The following CAMK1D variants were observed in gnomAD, a reference collection of about 807,000 sequenced individuals.
CAMK1D encodes calcium/calmodulin-dependent protein kinase type 1D.
CAMK1D carries 9 observed loss-of-function variants against 47.7 expected under a neutral mutation model. The observed-to-expected ratio is 0.19, with a 90% CI of 0.11 to 0.33. The LOEUF is 0.33. CAMK1D is among the 10% of genes least tolerant of loss of function. The pLI, the probability that CAMK1D is intolerant of heterozygous loss-of-function variation, is 1.00. For missense variants in CAMK1D, 291 were observed against 488.7 expected, an observed-to-expected ratio of 0.60 and a Z score of 3.81; for synonymous variants, 184 against 184.9, an observed-to-expected ratio of 0.99 and a Z score of 0.04.
chr10:12,656,775 T>G (rs1456379689), intron 2 of CAMK1D, among the ~76,000 whole-genome samples: 1 of 152,228 alleles, frequency 6.6e-6, no homozygotes, highest in Non-Finnish European at 1.5e-5. Context: ...TTCTGCTCAT[T>G]TCTTGAAGTG....
At chr10:12,585,626 G>A (rs1167864413) in intron 2 of CAMK1D, among the ~76,000 whole-genome samples, 3 of 152,212 alleles carry the variant, frequency 2.0e-5, no homozygotes, top group African/African-American at 7.2e-5. Flanking sequence ...AGAGCCAAGT[G>A]AAAGGGGTTT....
intron 2 of CAMK1D, among the ~76,000 whole-genome samples, chr10:12,570,714 C>T (rs547088111): frequency 6.8e-6 from 1 of 147,780 alleles, no homozygotes; most frequent in South Asian, 2.1e-4. Context: ...ATGAGGACAG[C>T]AGCACTTTGG....
At position 12,772,020 on chromosome 10, in the gene CAMK1D, C is replaced by T. The variant is rs188801092; in HGVS notation, c.565+2221C>T. On this transcript the variant is annotated intron_variant, in intron 5 of 10. Coordinates refer to ENST00000619168, the MANE Select transcript of CAMK1D (RefSeq NM_153498.4). ...CTGCACTCCAGCCTGGGTGACAAAGCGAGATGCTATCTCAGGAAAAAAAAA... is the reference window on the plus strand; with the variant it reads ...CTGCACTCCAGCCTGGGTGACAAAGTGAGATGCTATCTCAGGAAAAAAAAA... Among the ~76,000 whole-genome samples the T allele has an allele frequency of 3.5e-3, 500 of 142,656 alleles. 2 individuals carry two copies. Among genetic ancestry groups the T allele is most frequent in the Admixed American group, 8.0e-3 (113 of 14,116 alleles). The allele number at this position is 142,656 out of a possible 152,430, so 93.6% of individuals were successfully genotyped here.
intron 3 of CAMK1D, among the ~76,000 whole-genome samples, chr10:12,746,261 G>T (rs11257967): frequency 0.013 from 1,938 of 150,692 alleles, 50 homozygotes; most frequent in African/African-American, 0.045. Flanking sequence ...CTACTCGGGA[G>T]GCTGAGGCAG....
intron 2 of CAMK1D, among the ~76,000 whole-genome samples, chr10:12,562,323 C>T (rs1836970055): frequency 6.6e-6 from 1 of 152,094 alleles, no homozygotes; most frequent in African/African-American, 2.4e-5. Flanking sequence ...ATGGCAGATC[C>T]CTCATGACTG....
Position 12,694,101 on chromosome 10 carries a change from A to ATT in CAMK1D, c.299+27291_299+27292insTT, listed in dbSNP as rs1377649206. 1.1e-4 allele frequency among the ~76,000 whole-genome samples: 5 copies of ATT among 45,660 alleles called. 1 individual carries two copies. The highest frequency in any genetic ancestry group is 3.4e-4 in the African/African-American group (4 of 11,882). The allele number at this position is 45,660 out of a possible 152,430, so 30.0% of individuals were successfully genotyped here. A position where few individuals can be genotyped will look rare whatever the true frequency, so the allele number is the denominator to read the frequency against. The stretch of plus-strand genomic sequence containing the variant: ...ATATTATGTATAATATATATTATAT[A>ATT]ATATATAATATATATTATGCATAAT... On this transcript the variant is annotated intron_variant, in intron 3 of 10. Transcript: ENST00000619168.
In CAMK1D at chr10:12,454,458, G is replaced by A. The variant is rs574505493; in HGVS notation, c.93-98767G>A. Among the ~76,000 whole-genome samples, 27 of 152,078 alleles carry A rather than the reference G, an allele frequency of 1.8e-4. No homozygotes were observed. The South Asian group carries it at 5.4e-3, about 30-fold the overall frequency. ...ATTACAGGTGTGAGCCACCACTCCC[G>A]GCCGAATTTTAATTTTTTTTTAGAG... is the stretch of plus-strand genomic sequence containing the variant. On this transcript the variant is annotated intron_variant, in intron 1 of 10. Transcript: ENST00000619168.
In CAMK1D at chr10:12,625,282, G is replaced by C. The variant is rs141045648; in HGVS notation, c.225-41454G>C. ...ACCTGGGAGGCGGAGGTTGCAGTGA[G>C]TGGAGATCACAGCATTGCACTCCAG... On this transcript the variant is annotated intron_variant, in intron 2 of 10. Coordinates refer to ENST00000619168, the MANE Select transcript of CAMK1D (RefSeq NM_153498.4). Among the ~76,000 whole-genome samples the C allele has an allele frequency of 5.3e-4, 79 of 148,308 alleles. 1 individual carries two copies. The East Asian group carries it at 0.016, about 29-fold the overall frequency.
intron 6 of CAMK1D, among the ~76,000 whole-genome samples, chr10:12,797,500 C>T (rs559014714): frequency 1.3e-5 from 2 of 152,192 alleles, no homozygotes; most frequent in South Asian, 4.1e-4. Context: ...AGCCACAGTG[C>T]CCAGCCCCTA....
chr10:12,658,975 A>G (rs1306289715), intron 2 of CAMK1D, among the ~76,000 whole-genome samples: 2 of 152,210 alleles, frequency 1.3e-5, no homozygotes, highest in African/African-American at 2.4e-5. Context: ...GATTAACACA[A>G]GCTGCTTACA....
At chr10:12,745,776 G>A (rs572399776) in intron 3 of CAMK1D, among the ~76,000 whole-genome samples, 1 of 151,808 alleles carries the variant, frequency 6.6e-6, no homozygotes. Flanking sequence ...CTAATTTTTG[G>A]TATTTTTAGT....
intron 1 of CAMK1D, among the ~76,000 whole-genome samples, chr10:12,464,398 T>G (rs957756954): frequency 6.6e-6 from 1 of 152,202 alleles, no homozygotes; most frequent in African/African-American, 2.4e-5. Context: ...CAGACTCACC[T>G]TGAGCAAGGC....
At chr10:12,448,477 A>G (rs1325422595) in intron 1 of CAMK1D, among the ~76,000 whole-genome samples, 1 of 152,064 alleles carries the variant, frequency 6.6e-6, no homozygotes. Context: ...GATTACAGGT[A>G]TGGGCCACCA....
At chr10:12,653,558 C>T (rs1840038474) in intron 2 of CAMK1D, among the ~76,000 whole-genome samples, 3 of 152,192 alleles carry the variant, frequency 2.0e-5, no homozygotes, top group African/African-American at 7.2e-5. Flanking sequence ...ACGTTAATTA[C>T]TGATGTGCAA....
chr10:12,652,067 C>T (rs1460793021), intron 2 of CAMK1D, among the ~76,000 whole-genome samples: 7 of 151,992 alleles, frequency 4.6e-5, no homozygotes, highest in East Asian at 1.9e-4. Flanking sequence ...GCGTGACCAC[C>T]GCGCCCGGCC....
At chr10:12,528,773 T>C (rs910368939) in intron 1 of CAMK1D, among the ~76,000 whole-genome samples, 4 of 151,442 alleles carry the variant, frequency 2.6e-5, no homozygotes, top group African/African-American at 9.7e-5. Context: ...TCAGGGTTCC[T>C]TTCTGTCACC....
intron 2 of CAMK1D, among the ~76,000 whole-genome samples, chr10:12,630,325 AC>A (rs1213474774): frequency 1.5e-5 from 2 of 137,782 alleles, no homozygotes; most frequent in Non-Finnish European, 3.1e-5. Context: ...ATATATTGTG[AC>A]TTGTTTTCTT....
chr10:12,464,698 C>T (rs1452494525), intron 1 of CAMK1D, among the ~76,000 whole-genome samples: 2 of 151,872 alleles, frequency 1.3e-5, no homozygotes, highest in African/African-American at 4.8e-5. Flanking sequence ...ACCTGTAGTC[C>T]CAGCTACTCA....
chr10:12,834,854 C>T lies in CAMK1D; in HGVS notation c.*5967C>T, dbSNP rs1044393923. 7 of 152,104 alleles carry T rather than the reference C, an allele frequency of 4.6e-5. No individual in the cohort carries two copies. The highest frequency in any genetic ancestry group is 3.3e-4 in the Admixed American group (5 of 15,264). 9.4% of individuals were successfully genotyped at this position (152,104 alleles called of 1,614,324 possible). A position where few individuals can be genotyped will look rare whatever the true frequency, so the allele number is the denominator to read the frequency against. On this transcript the variant is annotated 3_prime_UTR_variant, in exon 11 of 11. Transcript: ENST00000619168. ...CTCCTGGAAGCCCTGCACTTCAGGGCACAGGGGCCCTGGGACGTGGTTGGC... is the reference window on the plus strand; with the variant it reads ...CTCCTGGAAGCCCTGCACTTCAGGGTACAGGGGCCCTGGGACGTGGTTGGC...
Sources: gnomAD v4.1 joint callset for allele counts (sites outside exome capture counted in the v4.1 genomes callset) on GRCh38, gnomAD v4.1.1 for gene constraint, MANE v1.5 for transcripts, NCBI Gene and HGNC (gene_info 2026-07-23, HGNC 2026-07-21) for gene names.